DCAF8L2: variants seen among roughly 807,000 people sequenced by gnomAD.
DCAF8L2 encodes DDB1- and CUL4-associated factor 8-like protein 2.
For missense variants in DCAF8L2, 430 were observed against 490.7 expected (o/e 0.88, Z 1.17); for synonymous variants, 200 against 190.9 (o/e 1.05, Z -0.39).
In DCAF8L2 at chrX:27,603,189, T is replaced by C. The variant is rs183332575; in HGVS notation, c.-342+12749T>C. Among the ~76,000 whole-genome samples, 78 of 111,973 alleles carry C rather than the reference T, an allele frequency of 7.0e-4. No homozygotes were observed. The Middle Eastern group carries it at 0.023, about 33-fold the overall frequency. On this transcript the variant is annotated intron_variant, in intron 1 of 4. Transcript: ENST00000451261. ...TTTGTTTTAACTTTTTATGTTATCA[T>C]CAGCATATTTGGACATTTTTATTAC...
At chrX:27,697,824 A>G (rs943504665) in intron 3 of DCAF8L2, among the ~76,000 whole-genome samples, 4 of 110,493 alleles carry the variant, frequency 3.6e-5, no homozygotes, top group Non-Finnish European at 5.7e-5. Context: ...TTTTAATACA[A>G]TTAAGGAAAC....
At position 27,746,902 on chromosome X, in the gene DCAF8L2, C is replaced by A; in HGVS notation, c.7C>A (p.His3Asn). The A allele has an allele frequency of 1.7e-6, 2 of 1,193,761 alleles. No individual in the cohort carries two copies. MS[H>N]QEGSTDGLPD... is the part of the protein sequence containing the mutation. ...ACAGCAAACATCGTTCAAGATGTCC[C>A]ACCAAGAAGGCAGCACAGACGGCTT... Residue 3 changes from histidine to asparagine, a missense_variant, in exon 5 of 5, where the codon CAC (histidine) becomes AAC (asparagine). Coordinates refer to ENST00000451261, the MANE Select transcript of DCAF8L2 (RefSeq NM_001353450.2).
intron 3 of DCAF8L2, among the ~76,000 whole-genome samples, chrX:27,691,145 A>G (rs901075028): frequency 8.9e-6 from 1 of 111,858 alleles, no homozygotes; most frequent in Admixed American, 9.6e-5. Context: ...CAAAATATCA[A>G]ACATTTAAGA....
At chrX:27,511,474 C>T in the DCAF8L2 span, among the ~76,000 whole-genome samples, 23 of 111,376 alleles carry the variant, frequency 2.1e-4, no homozygotes, top group East Asian at 6.5e-3. Flanking sequence ...AAATATTTTA[C>T]TAAATTGAAT....
the DCAF8L2 span, among the ~76,000 whole-genome samples, chrX:27,502,377 T>TATATATATATA: frequency 5.5e-5 from 4 of 73,035 alleles, no homozygotes; most frequent in Non-Finnish European, 7.6e-5. Flanking sequence ...TATATATATA[T>TATATATATATA]TGGCTGTGCA....
At chrX:27,554,830 A>G in the DCAF8L2 span, among the ~76,000 whole-genome samples, 1 of 111,445 alleles carries the variant, frequency 9.0e-6, no homozygotes, top group African/African-American at 3.3e-5. Flanking sequence ...TTCTTTTGCA[A>G]TTAATTAAGA....
chrX:27,525,803 T>C, the DCAF8L2 span, among the ~76,000 whole-genome samples: 1 of 111,680 alleles, frequency 9.0e-6, no homozygotes, highest in Non-Finnish European at 1.9e-5. Flanking sequence ...TTTGGCTGGA[T>C]ATGAAATTCT....
chrX:27,723,504 A>G (rs1395011099), intron 4 of DCAF8L2, among the ~76,000 whole-genome samples: 1 of 111,666 alleles, frequency 9.0e-6, no homozygotes, highest in Non-Finnish European at 1.9e-5. Context: ...TATAAATTAA[A>G]AAATGCAAAC....
At chrX:27,697,850 A>G (rs1930982839) in intron 3 of DCAF8L2, among the ~76,000 whole-genome samples, 1 of 110,528 alleles carries the variant, frequency 9.0e-6, no homozygotes, top group Non-Finnish European at 1.9e-5. Flanking sequence ...AAATGAAGGA[A>G]AGGGAAGAAG....
At chrX:27,668,781 C>T (rs770149672) in intron 2 of DCAF8L2, among the ~76,000 whole-genome samples, 3 of 111,148 alleles carry the variant, frequency 2.7e-5, no homozygotes, top group Admixed American at 1.9e-4. Context: ...GGCGAAACCC[C>T]GTCTCTACTG....
At chrX:27,514,668 C>CAA in the DCAF8L2 span, among the ~76,000 whole-genome samples, 10 of 2,508 alleles carry the variant, frequency 4.0e-3, no homozygotes, top group Admixed American at 8.4e-3. Context: ...GACTCCGTCT[C>CAA]AAAAAAAAAA....
the DCAF8L2 span, among the ~76,000 whole-genome samples, chrX:27,488,620 C>T: frequency 9.3e-5 from 10 of 107,018 alleles, no homozygotes; most frequent in South Asian, 4.3e-4. Flanking sequence ...AAGATGTACA[C>T]GCATATTTGT....
At chrX:27,506,225 A>T in the DCAF8L2 span, among the ~76,000 whole-genome samples, 1 of 111,847 alleles carries the variant, frequency 8.9e-6, no homozygotes, top group Non-Finnish European at 1.9e-5. Flanking sequence ...CTCACTTCAA[A>T]TCTTTGTCAA....
chrX:27,666,720 G>T (rs1413228928), intron 2 of DCAF8L2, among the ~76,000 whole-genome samples: 1 of 111,826 alleles, frequency 8.9e-6, no homozygotes, highest in African/African-American at 3.2e-5. Context: ...CAAAAACCCT[G>T]GACAATTTGT....
At chrX:27,474,707 C>T in the DCAF8L2 span, among the ~76,000 whole-genome samples, 1 of 111,877 alleles carries the variant, frequency 8.9e-6, no homozygotes, top group Non-Finnish European at 1.9e-5. Context: ...ACATATTATG[C>T]TCCTTTTAAA....
chrX:27,642,555 A>G (rs964164591), intron 2 of DCAF8L2, among the ~76,000 whole-genome samples: 2 of 110,908 alleles, frequency 1.8e-5, no homozygotes, highest in African/African-American at 6.6e-5. Context: ...GCAGATCCTC[A>G]GAGCTTTCTT....
At chrX:27,585,428 G>T (rs1231387539), upstream of DCAF8L2, among the ~76,000 whole-genome samples, 1 of 111,601 alleles carries the variant, frequency 9.0e-6, no homozygotes, top group Non-Finnish European at 1.9e-5. Flanking sequence ...ATTCTGTATT[G>T]GTAGTGTTTC....
chrX:27,580,477 G>A, the DCAF8L2 span, among the ~76,000 whole-genome samples: 1 of 111,464 alleles, frequency 9.0e-6, no homozygotes, highest in African/African-American at 3.3e-5. Flanking sequence ...AATCTTTTAA[G>A]AGACATTCAA....
the DCAF8L2 span, among the ~76,000 whole-genome samples, chrX:27,501,091 T>C: frequency 9.0e-6 from 1 of 111,016 alleles, no homozygotes; most frequent in African/African-American, 3.3e-5. Flanking sequence ...AAAAGAAATT[T>C]CCTGTGACAA....
Sources: gnomAD v4.1 joint callset for allele counts (sites outside exome capture counted in the v4.1 genomes callset) on GRCh38, gnomAD v4.1.1 for gene constraint, MANE v1.5 for transcripts, NCBI Gene and HGNC (gene_info 2026-07-23, HGNC 2026-07-21) for gene names.